The following SLC35A3 variants were observed in gnomAD, a reference collection of about 807,000 sequenced individuals.
SLC35A3 encodes solute carrier family 35 member A3, also known as UDP-N-acetylglucosamine transporter.
SLC35A3 carries 26 observed loss-of-function variants against 39.0 expected under a neutral mutation model. That is an observed-to-expected ratio of 0.67 (90% CI 0.49 to 0.92). The LOEUF (loss-of-function observed/expected upper bound fraction) is 0.92, where lower values mean the gene tolerates loss of function less well. Among genes scored for constraint, SLC35A3 ranks in the 40% least tolerant of loss-of-function variants. The probability of loss-of-function intolerance (pLI) is 0.00; values close to 1 mark genes in which losing one functional copy is unlikely to be tolerated. For synonymous variants in SLC35A3, 135 were observed against 133.1 expected, an observed-to-expected ratio of 1.01 and a Z score of -0.10; for missense variants, 299 against 371.6, an observed-to-expected ratio of 0.80 and a Z score of 1.61.
intron 3 of SLC35A3, among the ~76,000 whole-genome samples, chr1:100,005,605 T>C (rs531489498): frequency 6.6e-6 from 1 of 152,218 alleles, no homozygotes; most frequent in African/African-American, 2.4e-5. Flanking sequence ...AAATTCTTTA[T>C]TCTGTTTCAT....
intron 1 of SLC35A3, among the ~76,000 whole-genome samples, chr1:99,976,587 C>T (rs933602533): frequency 6.6e-6 from 1 of 152,082 alleles, no homozygotes; most frequent in Non-Finnish European, 1.5e-5. Context: ...GTGAACTGGA[C>T]ATAAAACTAT....
At chr1:99,970,206 T>C (rs1656717723) in intron 1 of SLC35A3, 44 bp downstream of exon 1, 1 of 201,502 alleles carries the variant, frequency 5.0e-6, no homozygotes, top group Non-Finnish European at 1.0e-5. Context: ...ACCAGGAGGC[T>C]AGCGGCTGCG....
chr1:99,971,575 G>A (rs1656815523), intron 1 of SLC35A3, among the ~76,000 whole-genome samples: 1 of 152,136 alleles, frequency 6.6e-6, no homozygotes, highest in African/African-American at 2.4e-5. Context: ...TCAAAGTGCT[G>A]GGATTACAGG....
rs896185230 is a variant in SLC35A3 at position 100,028,197 on chromosome 1, C to T, written c.*5721C>T. The T allele has an allele frequency of 6.6e-6, 1 of 152,382 alleles. No homozygotes were observed. The highest frequency in any genetic ancestry group is 6.5e-5 in the Admixed American group (1 of 15,270). 9.4% of individuals were successfully genotyped at this position (152,382 alleles called of 1,614,324 possible). On this transcript the variant is annotated 3_prime_UTR_variant, in exon 8 of 8. Coordinates refer to ENST00000533028, the MANE Select transcript of SLC35A3 (RefSeq NM_012243.3). Reference sequence around the variant, plus strand: ...CAGGTGATCCGCCTGCCTCGGCCTCCCAAAGTGCTGGGTTTACAGGCGTGA... The same window carrying T: ...CAGGTGATCCGCCTGCCTCGGCCTCTCAAAGTGCTGGGTTTACAGGCGTGA...
At chr1:100,005,810 T>C (rs973594012) in intron 3 of SLC35A3, among the ~76,000 whole-genome samples, 1 of 152,148 alleles carries the variant, frequency 6.6e-6, no homozygotes, top group East Asian at 1.9e-4. Flanking sequence ...CTAGATATCA[T>C]TATGTTGAAT....
intron 1 of SLC35A3, among the ~76,000 whole-genome samples, chr1:99,974,048 T>G (rs1393664696): frequency 1.3e-5 from 2 of 151,870 alleles, no homozygotes; most frequent in African/African-American, 2.4e-5. Flanking sequence ...GCTGAAACTT[T>G]GAAGTCATGT....
intron 3 of SLC35A3, 144 bp downstream of exon 3, chr1:99,999,559 C>A: frequency 2.0e-6 from 1 of 506,038 alleles, no homozygotes; most frequent in South Asian, 3.3e-5. Context: ...ATATTCATCT[C>A]CACAAACATT....
At chr1:99,974,637 A>AC (rs535583796) in intron 1 of SLC35A3, among the ~76,000 whole-genome samples, 168 of 152,282 alleles carry the variant, frequency 1.1e-3, no homozygotes, top group African/African-American at 3.7e-3. Flanking sequence ...ATGCTTAAAC[A>AC]CAGGCTTTAC....
intron 5 of SLC35A3, 60 bp downstream of exon 5, chr1:100,011,593 ATTTC>A: frequency 1.0e-5 from 6 of 579,510 alleles, no homozygotes; most frequent in Non-Finnish European, 1.6e-5. Context: ...ATATTTAAAG[ATTTC>A]TATATATCTT....
rs115532427 is a variant in SLC35A3, at chr1:99,970,793, G to A, written c.-19+631G>A. The A allele has an allele frequency of 8.0e-4, 479 of 595,866 alleles. 6 individuals are homozygous for A. The highest frequency in any genetic ancestry group is 7.9e-3 in the African/African-American group (421 of 53,106). The allele number at this position is 595,866 out of a possible 1,614,324, so 36.9% of individuals were successfully genotyped here. On this transcript the variant is annotated intron_variant, in intron 1 of 7. Coordinates refer to ENST00000533028, the MANE Select transcript of SLC35A3 (RefSeq NM_012243.3). ...TTGAAAATTAAGTCTTTTCGTTTTT[G>A]AAATCAACATTCGACTTTAGTAGTT...
chr1:100,022,674 TTTCCAGGG>T lies in SLC35A3; in HGVS notation c.*199_*206del, dbSNP rs1660642247. On this transcript the variant is annotated 3_prime_UTR_variant, in exon 8 of 8. Transcript: ENST00000533028. Reference sequence around the variant, plus strand: ...ATCTAGAAATCAAAACTTGAAAGTATTTCCAGGGATTAGGATTAGAAGGAATATTAGAG... The same window carrying T: ...ATCTAGAAATCAAAACTTGAAAGTATATTAGGATTAGAAGGAATATTAGAG... 2.7e-6 allele frequency: 1 copy of T among 376,418 alleles called. No individual in the cohort carries two copies. The highest frequency in any genetic ancestry group is 4.6e-5 in the Admixed American group (1 of 21,732). 23.3% of individuals were successfully genotyped at this position (376,418 alleles called of 1,614,324 possible).
rs1161404571 is a variant in SLC35A3, at chr1:100,029,870, G to T, written c.*7394G>T. On this transcript the variant is annotated 3_prime_UTR_variant, in exon 8 of 8. Transcript: ENST00000533028. ...GAACATATATATATATATAGAGAGA[G>T]AGAGAGCATAGTATTGTCATTTAGT... 1 of 152,104 alleles carries T rather than the reference G, an allele frequency of 6.6e-6. No individual in the cohort carries two copies. The highest frequency in any genetic ancestry group is 1.5e-5 in the Non-Finnish European group (1 of 68,016). The allele number at this position is 152,104 out of a possible 1,614,324, so 9.4% of individuals were successfully genotyped here.
intron 1 of SLC35A3, among the ~76,000 whole-genome samples, chr1:99,988,391 C>G (rs1657872093): frequency 1.3e-5 from 2 of 151,498 alleles, no homozygotes; most frequent in Admixed American, 1.3e-4. Context: ...GAGCATTATT[C>G]CATTGTATGG....
intron 1 of SLC35A3, among the ~76,000 whole-genome samples, chr1:99,981,637 T>C (rs1258732801): frequency 3.3e-5 from 5 of 151,706 alleles, no homozygotes; most frequent in Admixed American, 3.3e-4. Flanking sequence ...TGTGCCACCA[T>C]GCCTGGCTAA....
At chr1:99,972,089 C>T (rs1260454731) in intron 1 of SLC35A3, among the ~76,000 whole-genome samples, 6 of 151,808 alleles carry the variant, frequency 4.0e-5, no homozygotes, top group Admixed American at 1.3e-4. Context: ...TTAGTTGAGA[C>T]GGGGTTTCAC....
Position 100,031,223 on chromosome 1 carries a change from CT to C in SLC35A3, c.*8753del, listed in dbSNP as rs1387126283. 1 of 152,014 alleles carries C rather than the reference CT, an allele frequency of 6.6e-6. No individual in the cohort carries two copies. The highest frequency in any genetic ancestry group is 1.5e-5 in the Non-Finnish European group (1 of 67,986). The allele number at this position is 152,014 out of a possible 1,614,324, so 9.4% of individuals were successfully genotyped here. ...CACACATGCGGCATTGTTAAAGAAC[CT>C]TTTTTAAAATTAAATTTTCTCCAGC... On this transcript the variant is annotated 3_prime_UTR_variant, in exon 8 of 8. Coordinates refer to ENST00000533028, the MANE Select transcript of SLC35A3 (RefSeq NM_012243.3).
intron 1 of SLC35A3, among the ~76,000 whole-genome samples, chr1:99,976,121 G>C (rs942033099): frequency 6.6e-6 from 1 of 152,152 alleles, no homozygotes; most frequent in African/African-American, 2.4e-5. Flanking sequence ...GTCTTATTAA[G>C]ATATCTGCTA....
rs556582116 is a variant in SLC35A3 at position 99,996,722 on chromosome 1, CAT to C, written c.188-2537_188-2536del. ...GCCCTCATCTGTAAAAATAAAATAA[CAT>C]AAAGTTAAGGTAATATTTTAGTTTT... On this transcript the variant is annotated intron_variant, in intron 2 of 7. Coordinates refer to ENST00000533028, the MANE Select transcript of SLC35A3 (RefSeq NM_012243.3). Among the ~76,000 whole-genome samples the C allele has an allele frequency of 1.2e-3, 186 of 152,130 alleles. 1 individual carries two copies. The highest frequency in any genetic ancestry group is 4.4e-3 in the African/African-American group (182 of 41,528).
intron 1 of SLC35A3, chr1:99,970,636 C>A: frequency 1.3e-6 from 2 of 1,535,944 alleles, no homozygotes; most frequent in Non-Finnish European, 1.7e-6. Flanking sequence ...AATGGAAAGG[C>A]TGCCCTTGGT....
Sources: gnomAD v4.1 joint callset for allele counts (sites outside exome capture counted in the v4.1 genomes callset) on GRCh38, gnomAD v4.1.1 for gene constraint, MANE v1.5 for transcripts, NCBI Gene and HGNC (gene_info 2026-07-23, HGNC 2026-07-21) for gene names.